Variants in SHC3 observed in about 807,000 individuals in gnomAD.
The protein encoded by SHC3 is SHC adaptor protein 3.
In SHC3, 15 loss-of-function variants were observed where a neutral mutation model predicts 60.4. The observed-to-expected ratio is 0.25, with a 90% CI of 0.17 to 0.38. The LOEUF (loss-of-function observed/expected upper bound fraction) is 0.38, where lower values mean the gene tolerates loss of function less well. Among genes scored for constraint, SHC3 ranks in the 10% least tolerant of loss-of-function variants. The pLI is 1.00. For missense variants in SHC3, 677 were observed against 786.1 expected (o/e 0.86, Z 1.66); for synonymous variants, 294 against 325.9 (o/e 0.90, Z 1.05).
chr9:89,072,476 T>C (rs528891537), intron 4 of SHC3, among the ~76,000 whole-genome samples: 3 of 152,194 alleles, frequency 2.0e-5, no homozygotes, highest in Admixed American at 6.5e-5. Flanking sequence ...CATCCAAGAT[T>C]CCAACTCGGC....
At chr9:89,123,101 C>A (rs982429137) in intron 1 of SHC3, among the ~76,000 whole-genome samples, 4 of 152,122 alleles carry the variant, frequency 2.6e-5, no homozygotes, top group Non-Finnish European at 5.9e-5. Flanking sequence ...TTCCCTATTG[C>A]ACATGCATGG....
Position 89,112,644 on chromosome 9 carries a change from G to A in SHC3, c.475-18C>T, listed in dbSNP as rs1825966825. 6.3e-7 allele frequency: 1 copy of A among 1,576,352 alleles called. No homozygotes were observed. The highest frequency in any genetic ancestry group is 2.4e-5 in the East Asian group (1 of 42,342). On this transcript the variant is annotated intron_variant, in intron 1 of 11. Transcript: ENST00000375835. ...CCCAAGTACTGCAAGGGGAAAAAAT[G>A]TAAATCGTGAGCCCTGAGATTTGAG...
At chr9:89,130,599 G>A (rs1168096729) in intron 1 of SHC3, among the ~76,000 whole-genome samples, 1 of 152,150 alleles carries the variant, frequency 6.6e-6, no homozygotes, top group Non-Finnish European at 1.5e-5. Context: ...CTACAACTCA[G>A]GATTAAGAAA....
intron 1 of SHC3, among the ~76,000 whole-genome samples, chr9:89,171,244 T>G (rs1048967680): frequency 3.3e-5 from 5 of 151,980 alleles, no homozygotes; most frequent in Non-Finnish European, 7.4e-5. Context: ...ATTTTTTTTT[T>G]TTGAAAAAAA....
At chr9:89,014,164 A>T (rs1294898761) in intron 11 of SHC3, among the ~76,000 whole-genome samples, 2 of 152,224 alleles carry the variant, frequency 1.3e-5, no homozygotes, top group African/African-American at 4.8e-5. Flanking sequence ...AGAGTGAGCC[A>T]GGCTGGGTCA....
intron 2 of SHC3, 109 bp downstream of exon 2, chr9:89,112,447 C>A (rs750597433): frequency 3.0e-5 from 35 of 1,180,792 alleles, no homozygotes; most frequent in Non-Finnish European, 4.1e-5. Context: ...TCACCAGCCA[C>A]TAACCCTCCA....
At chr9:89,067,891 T>G (rs933782394) in intron 5 of SHC3, among the ~76,000 whole-genome samples, 7 of 152,250 alleles carry the variant, frequency 4.6e-5, no homozygotes, top group Non-Finnish European at 8.8e-5. Context: ...TTATTTTTAA[T>G]TTGTTTTTGC....
chr9:89,017,484 T>C (rs1017776500), intron 11 of SHC3, among the ~76,000 whole-genome samples: 2 of 152,176 alleles, frequency 1.3e-5, no homozygotes, highest in Non-Finnish European at 2.9e-5. Context: ...TTACATCTTA[T>C]ATAAAAATTA....
At chr9:89,134,333 G>A (rs1046361809) in intron 1 of SHC3, among the ~76,000 whole-genome samples, 1 of 152,048 alleles carries the variant, frequency 6.6e-6, no homozygotes, top group African/African-American at 2.4e-5. Flanking sequence ...AAAATTAATT[G>A]TTAAAAAGAT....
chr9:89,164,433 A>G (rs754489898), intron 1 of SHC3, among the ~76,000 whole-genome samples: 1 of 152,120 alleles, frequency 6.6e-6, no homozygotes, highest in Non-Finnish European at 1.5e-5. Context: ...CTAAGCCCAA[A>G]AGTGCAACTG....
At chr9:89,087,791 C>A (rs1825556137) in intron 2 of SHC3, among the ~76,000 whole-genome samples, 1 of 152,134 alleles carries the variant, frequency 6.6e-6, no homozygotes, top group Admixed American at 6.5e-5. Context: ...GGGGGTCAGA[C>A]ATGCTTCATT....
chr9:89,052,031 A>T lies in SHC3; in HGVS notation c.962+6T>A. ...CTATTGCAAATGGTGTCACAGCACT[A>T]CTCACCGATCATGGAGAGCGGGAAT... On this transcript the variant is annotated splice_donor_region_variant and intron_variant, in intron 7 of 11. Transcript: ENST00000375835. The T allele has an allele frequency of 6.2e-7, 1 of 1,613,250 alleles. No homozygotes were observed. Among genetic ancestry groups the T allele is most frequent in the Non-Finnish European group, 8.5e-7 (1 of 1,179,484 alleles).
rs577633600 is a variant in SHC3, at chr9:89,069,203, T to C, written c.783+1996A>G. Reference sequence around the variant, plus strand: ...GTGTGCCTGTAGTCCCAGCTACCCATGAGGCTGAGGTGAGAGGATCACTTA... The same window carrying C: ...GTGTGCCTGTAGTCCCAGCTACCCACGAGGCTGAGGTGAGAGGATCACTTA... On this transcript the variant is annotated intron_variant, in intron 5 of 11. Transcript: ENST00000375835. Among the ~76,000 whole-genome samples, 45 of 152,200 alleles carry C rather than the reference T, an allele frequency of 3.0e-4. 1 individual carries two copies. In the South Asian group the frequency reaches 4.6e-3, roughly 15 times the overall value.
chr9:89,048,985 G>A (rs1824818659), intron 7 of SHC3, among the ~76,000 whole-genome samples: 2 of 152,186 alleles, frequency 1.3e-5, no homozygotes, highest in South Asian at 4.1e-4. Context: ...ATGCCGGCCG[G>A]GCACGGTGAT....
At chr9:89,078,844 A>G (rs1392447952) in intron 2 of SHC3, among the ~76,000 whole-genome samples, 2 of 152,194 alleles carry the variant, frequency 1.3e-5, no homozygotes, top group Non-Finnish European at 2.9e-5. Flanking sequence ...AAAAAAATCA[A>G]CAGGGACTTG....
At position 89,112,307 on chromosome 9, in the gene SHC3, T is replaced by C. The variant is rs76628341; in HGVS notation, c.545+249A>G. ...CATAAATACTCAGCTGCTCCATATG[T>C]CTGCAGCTAAATTATAAAAAGAGCG... On this transcript the variant is annotated intron_variant, in intron 2 of 11. Coordinates refer to ENST00000375835, the MANE Select transcript of SHC3 (RefSeq NM_016848.6). Among the ~76,000 whole-genome samples the C allele has an allele frequency of 2.4e-3, 358 of 152,326 alleles. 1 individual carries two copies. The highest frequency in any genetic ancestry group is 8.1e-3 in the African/African-American group (335 of 41,572).
intron 1 of SHC3, among the ~76,000 whole-genome samples, chr9:89,159,183 A>G (rs1285853495): frequency 6.6e-6 from 1 of 152,008 alleles, no homozygotes; most frequent in Admixed American, 6.5e-5. Flanking sequence ...CAAAGATTAA[A>G]TTATCTCTTA....
chr9:89,015,083 T>C (rs1488302408), intron 11 of SHC3, among the ~76,000 whole-genome samples: 1 of 152,230 alleles, frequency 6.6e-6, no homozygotes, highest in Non-Finnish European at 1.5e-5. Context: ...AGGAAGCTTT[T>C]TGCAAGACTT....
chr9:89,034,285 A>G (rs898896442), intron 11 of SHC3, among the ~76,000 whole-genome samples: 2 of 152,232 alleles, frequency 1.3e-5, no homozygotes, highest in African/African-American at 4.8e-5. Flanking sequence ...CTGCCAAAAC[A>G]CAATGTCTGG....
Sources: allele counts gnomAD v4.1 joint callset (sites outside exome capture counted in the v4.1 genomes callset), GRCh38; gene constraint gnomAD v4.1.1; transcripts MANE v1.5; gene names NCBI Gene and HGNC (gene_info 2026-07-23, HGNC 2026-07-21).